NELL2: variants seen among roughly 807,000 people sequenced by gnomAD.
NELL2 encodes neural EGFL like 2.
Under a neutral mutation model 109.6 loss-of-function variants are expected in NELL2, and 41 were observed. That is an observed-to-expected ratio of 0.37 (90% CI 0.29 to 0.49). The LOEUF (loss-of-function observed/expected upper bound fraction) is 0.49. NELL2 is among the 20% of genes least tolerant of loss of function. NELL2 has a pLI of 0.98. For missense variants in NELL2, 900 were observed against 1,008.3 expected, an observed-to-expected ratio of 0.89 and a Z score of 1.45; for synonymous variants, 355 against 344.7, an observed-to-expected ratio of 1.03 and a Z score of -0.33.
intron 2 of NELL2, among the ~76,000 whole-genome samples, chr12:44,860,964 C>G (rs1306441963): frequency 6.6e-6 from 1 of 152,134 alleles, no homozygotes; most frequent in Non-Finnish European, 1.5e-5. Flanking sequence ...TTCAGAAGTA[C>G]CAAGAACCAC....
At chr12:44,688,805 A>G (rs1372720455) in intron 12 of NELL2, among the ~76,000 whole-genome samples, 2 of 152,248 alleles carry the variant, frequency 1.3e-5, no homozygotes, top group Non-Finnish European at 2.9e-5. Context: ...CACATACTAG[A>G]ATGACTATGT....
chr12:44,876,669 G>A (rs74912209), upstream of NELL2: 3,652 of 1,551,272 alleles, frequency 2.4e-3, 58 homozygotes, highest in African/African-American at 0.042. Flanking sequence ...AGCTGCAGGA[G>A]GCAAGGCTGG....
intron 9 of NELL2, among the ~76,000 whole-genome samples, chr12:44,770,912 T>C (rs1941521324): frequency 1.3e-5 from 2 of 152,224 alleles, no homozygotes; most frequent in African/African-American, 2.4e-5. Flanking sequence ...CATGCATCCA[T>C]GTAATAGCAT....
rs189229622 is a variant in NELL2 at position 44,733,073 on chromosome 12, T to C, written c.995-18332A>G. Among the ~76,000 whole-genome samples the C allele has an allele frequency of 3.3e-5, 5 of 152,030 alleles. No homozygotes were observed. The East Asian group carries it at 9.7e-4, about 29-fold the overall frequency. ...AAACAAAAACAGAAAATAACAAGTG[T>C]TGGCAAGGATGTAGAGAAACTGGAA... is the stretch of plus-strand genomic sequence containing the variant. On this transcript the variant is annotated intron_variant, in intron 9 of 19. Coordinates refer to ENST00000429094, the MANE Select transcript of NELL2 (RefSeq NM_001145108.2).
intron 18 of NELL2, among the ~76,000 whole-genome samples, chr12:44,521,399 G>A (rs1000890761): frequency 1.3e-5 from 2 of 150,910 alleles, no homozygotes; most frequent in Non-Finnish European, 3.0e-5. Context: ...GCGTAGTGGC[G>A]GGCGCCTGTA....
chr12:44,830,464 A>G (rs759840205), intron 2 of NELL2, among the ~76,000 whole-genome samples: 7 of 152,208 alleles, frequency 4.6e-5, no homozygotes, highest in Non-Finnish European at 1.0e-4. Context: ...ATCAAAATTG[A>G]GCTACATTTT....
intron 1 of NELL2, among the ~76,000 whole-genome samples, chr12:44,908,750 A>G (rs931078631): frequency 6.6e-6 from 1 of 152,058 alleles, no homozygotes; most frequent in Non-Finnish European, 1.5e-5. Flanking sequence ...TTACAGACAC[A>G]GCACTCATCA....
chr12:44,742,030 C>A (rs1385040787), intron 9 of NELL2, among the ~76,000 whole-genome samples: 2 of 152,182 alleles, frequency 1.3e-5, no homozygotes, highest in Non-Finnish European at 2.9e-5. Flanking sequence ...GGTCCCTGAC[C>A]TCCAAGTAGC....
At chr12:44,761,787 C>G (rs1391079203) in intron 9 of NELL2, among the ~76,000 whole-genome samples, 1 of 152,120 alleles carries the variant, frequency 6.6e-6, no homozygotes, top group Non-Finnish European at 1.5e-5. Context: ...AACAGAAAAT[C>G]AAATACTGCA....
At chr12:44,522,229 A>ATG in intron 17 of NELL2, 53 bp from the exon 18 acceptor site, 6 of 1,490,218 alleles carry the variant, frequency 4.0e-6, no homozygotes, top group Non-Finnish European at 5.6e-6. Flanking sequence ...TCTCAGTAAC[A>ATG]CGCACACACA....
At chr12:44,723,545 T>C (rs980709008) in intron 9 of NELL2, among the ~76,000 whole-genome samples, 3 of 152,196 alleles carry the variant, frequency 2.0e-5, no homozygotes, top group Non-Finnish European at 4.4e-5. Flanking sequence ...AACATTTTAG[T>C]ATGGATTCCT....
At chr12:44,614,791 C>T (rs181725563) in intron 13 of NELL2, among the ~76,000 whole-genome samples, 175 of 152,020 alleles carry the variant, frequency 1.2e-3, no homozygotes, top group African/African-American at 3.7e-3. Flanking sequence ...AGAAACAAAC[C>T]AGCTGCTCTA....
intron 15 of NELL2, among the ~76,000 whole-genome samples, chr12:44,543,638 T>G (rs1458183841): frequency 6.6e-6 from 1 of 152,198 alleles, no homozygotes; most frequent in Non-Finnish European, 1.5e-5. Flanking sequence ...TATGGCTTTG[T>G]GTTAGAGTTC....
At chr12:44,530,636 C>T (rs568259422) in intron 16 of NELL2, among the ~76,000 whole-genome samples, 5 of 152,272 alleles carry the variant, frequency 3.3e-5, no homozygotes, top group South Asian at 4.1e-4. Flanking sequence ...ACTATGGCTC[C>T]GATATTCGGC....
At chr12:44,750,221 A>G (rs1023367622) in intron 9 of NELL2, among the ~76,000 whole-genome samples, 2 of 152,174 alleles carry the variant, frequency 1.3e-5, no homozygotes, top group Admixed American at 6.6e-5. Context: ...TAAAGATCAA[A>G]TGAAAAGGGG....
upstream of NELL2, among the ~76,000 whole-genome samples, chr12:44,915,759 C>T (rs576603649): frequency 3.3e-5 from 5 of 152,198 alleles, no homozygotes; most frequent in East Asian, 9.7e-4. Flanking sequence ...TCAAAGACTG[C>T]CATCTGCATT....
chr12:44,638,498 T>A (rs999147889), intron 13 of NELL2, among the ~76,000 whole-genome samples: 1 of 152,122 alleles, frequency 6.6e-6, no homozygotes, highest in East Asian at 1.9e-4. Flanking sequence ...GAAGAATTGA[T>A]TAGGGAAAAT....
At chr12:44,543,138 CAATTT>C (rs1356670722) in intron 15 of NELL2, among the ~76,000 whole-genome samples, 1 of 152,152 alleles carries the variant, frequency 6.6e-6, no homozygotes, top group Non-Finnish European at 1.5e-5. Context: ...CCTGTATATT[CAATTT>C]ATCACCATCA....
intron 13 of NELL2, among the ~76,000 whole-genome samples, chr12:44,654,361 T>G (rs1373420144): frequency 6.6e-6 from 1 of 152,184 alleles, no homozygotes; most frequent in African/African-American, 2.4e-5. Context: ...CCTGATACAG[T>G]TTATCTGTAC....
Sources: gnomAD v4.1 joint callset for allele counts (sites outside exome capture counted in the v4.1 genomes callset) on GRCh38, gnomAD v4.1.1 for gene constraint, MANE v1.5 for transcripts, NCBI Gene and HGNC (gene_info 2026-07-23, HGNC 2026-07-21) for gene names.